The following OPCML variants were observed in gnomAD, a reference collection of about 807,000 sequenced individuals.
OPCML encodes opioid binding protein/cell adhesion molecule like.
Under a neutral mutation model 37.8 loss-of-function variants are expected in OPCML, and 13 were observed. That is an observed-to-expected ratio of 0.34 (90% CI 0.22 to 0.55). OPCML has a LOEUF of 0.55. Among genes scored for constraint, OPCML ranks in the 20% least tolerant of loss-of-function variants. The pLI is 0.91. For missense variants in OPCML, 341 were observed against 435.6 expected (o/e 0.78, Z 1.93); for synonymous variants, 176 against 168.8 (o/e 1.04, Z -0.33).
intron 3 of OPCML, among the ~76,000 whole-genome samples, chr11:132,531,326 G>A (rs942735025): frequency 7.9e-5 from 12 of 152,340 alleles, no homozygotes; most frequent in Non-Finnish European, 1.0e-4. Flanking sequence ...AACACAGAGA[G>A]TGGAGGCTCC....
chr11:132,644,103 T>C (rs1246619970), intron 3 of OPCML, among the ~76,000 whole-genome samples: 1 of 152,230 alleles, frequency 6.6e-6, no homozygotes, highest in Non-Finnish European at 1.5e-5. Context: ...ATTTAAAATC[T>C]GTGCTTTCCC....
At chr11:133,257,113 C>G (rs534982309) in intron 1 of OPCML, among the ~76,000 whole-genome samples, 1 of 152,298 alleles carries the variant, frequency 6.6e-6, no homozygotes, top group Admixed American at 6.5e-5. Context: ...TGCACCCTAC[C>G]TCGGTCCACT....
intron 1 of OPCML, chr11:133,117,970 A>G (rs1268128731): frequency 1.3e-5 from 13 of 980,418 alleles, no homozygotes; most frequent in Non-Finnish European, 1.6e-5. Context: ...TCCTTGGGGA[A>G]CTGCAAGTGG....
intron 1 of OPCML, among the ~76,000 whole-genome samples, chr11:132,969,774 A>G (rs1441357025): frequency 1.3e-5 from 2 of 152,174 alleles, no homozygotes; most frequent in East Asian, 1.9e-4. Flanking sequence ...TTGGGGCTCA[A>G]TTACGTCTTA....
At position 133,208,969 on chromosome 11, in the gene OPCML, T is replaced by G. The variant is rs1174574425; in HGVS notation, c.62-265959A>C. ...CATGGAAACAACAATAATAAAAAAA[T>G]TACCTGAAATGCTGTCCTACATTCT... On this transcript the variant is annotated intron_variant, in intron 1 of 7. Coordinates refer to ENST00000524381, the MANE Select transcript of OPCML (RefSeq NM_001012393.5). This position sits in a 1 kb window ranked among gnomAD's most constrained non-coding sequence, Gnocchi z 8.9. 2.6e-5 allele frequency among the ~76,000 whole-genome samples: 4 copies of G among 152,102 alleles called. No homozygotes were observed. Among genetic ancestry groups the G allele is most frequent in the African/African-American group, 4.8e-5 (2 of 41,408 alleles).
intron 1 of OPCML, among the ~76,000 whole-genome samples, chr11:133,489,852 A>AT (rs10562716): frequency 2.8e-5 from 4 of 142,016 alleles, no homozygotes; most frequent in East Asian, 1.9e-4. Context: ...ATATATATAT[A>AT]TTTTTTTATA....
At chr11:132,991,030 G>T (rs1275903891) in intron 1 of OPCML, among the ~76,000 whole-genome samples, 1 of 152,152 alleles carries the variant, frequency 6.6e-6, no homozygotes, top group Non-Finnish European at 1.5e-5. Flanking sequence ...AATTAGACTT[G>T]ACCCGCTAAG....
chr11:133,488,938 C>A (rs1296056015), intron 1 of OPCML, among the ~76,000 whole-genome samples: 2 of 114,914 alleles, frequency 1.7e-5, no homozygotes, highest in African/African-American at 6.8e-5. Context: ...GTACCTGCAA[C>A]CAGCTGGTTT....
intron 2 of OPCML, among the ~76,000 whole-genome samples, chr11:132,930,081 G>A (rs566032457): frequency 2.6e-5 from 4 of 152,166 alleles, no homozygotes; most frequent in Non-Finnish European, 5.9e-5. Context: ...AGAAAAAGAC[G>A]GGCTGGGTGC....
intron 2 of OPCML, among the ~76,000 whole-genome samples, chr11:132,790,093 A>G (rs562483818): frequency 1.3e-5 from 2 of 152,368 alleles, no homozygotes; most frequent in East Asian, 3.9e-4. Flanking sequence ...ATTACTGGAT[A>G]TTTATCCAAA....
At chr11:132,706,589 C>T (rs2135937530) in intron 2 of OPCML, among the ~76,000 whole-genome samples, 1 of 152,156 alleles carries the variant, frequency 6.6e-6, no homozygotes, top group South Asian at 2.1e-4. Flanking sequence ...AGGTCTAAAC[C>T]CACTTAGATG....
At chr11:133,027,425 A>T (rs913171794) in intron 1 of OPCML, among the ~76,000 whole-genome samples, 4 of 152,074 alleles carry the variant, frequency 2.6e-5, no homozygotes, top group African/African-American at 9.7e-5. Flanking sequence ...AAAAATAAAG[A>T]AATAGTCACT....
At chr11:133,239,461 C>A (rs931875575) in intron 1 of OPCML, among the ~76,000 whole-genome samples, 3 of 152,270 alleles carry the variant, frequency 2.0e-5, no homozygotes, top group African/African-American at 7.2e-5. Flanking sequence ...AAAAAGCCTG[C>A]AAAAATAGAA....
chr11:132,563,001 T>G (rs1308789149), intron 3 of OPCML, among the ~76,000 whole-genome samples: 1 of 152,206 alleles, frequency 6.6e-6, no homozygotes, highest in Non-Finnish European at 1.5e-5. Flanking sequence ...CCTTGTTGTG[T>G]TCTGTATTCA....
chr11:132,961,349 T>C lies in OPCML; in HGVS notation c.62-18339A>G, dbSNP rs563930646. 3.3e-5 allele frequency among the ~76,000 whole-genome samples: 5 copies of C among 152,312 alleles called. No homozygotes were observed. The East Asian group carries it at 9.7e-4, about 29-fold the overall frequency. On this transcript the variant is annotated intron_variant, in intron 1 of 7. Coordinates refer to ENST00000524381, the MANE Select transcript of OPCML (RefSeq NM_001012393.5). ...ATTTTAAGGATAAGCAGCACAAAGA[T>C]ATATGTAGCTCTAAAGAGCCCAAGA...
At chr11:132,716,598 T>C (rs1944503403) in intron 2 of OPCML, among the ~76,000 whole-genome samples, 2 of 152,198 alleles carry the variant, frequency 1.3e-5, no homozygotes, top group Non-Finnish European at 2.9e-5. Context: ...CTCTAGGAGA[T>C]GCAATTTAAT....
intron 1 of OPCML, among the ~76,000 whole-genome samples, chr11:133,523,875 CA>C (rs1235712095): frequency 2.0e-5 from 3 of 152,224 alleles, no homozygotes; most frequent in African/African-American, 7.2e-5. Flanking sequence ...GTTCAATTGT[CA>C]CTTTCATAAC....
At chr11:132,749,669 G>A (rs1228286216) in intron 2 of OPCML, among the ~76,000 whole-genome samples, 2 of 152,130 alleles carry the variant, frequency 1.3e-5, no homozygotes, top group African/African-American at 4.8e-5. Flanking sequence ...CAGGGGTACA[G>A]TAAAGACAGA....
chr11:132,725,037 A>G lies in OPCML; in HGVS notation c.147-67718T>C, dbSNP rs199813916. Reference sequence around the variant, plus strand: ...AGTGCAAGCTGTCAGTAGATCTACCATTCTGGGGTCTGAAGGATGGTGGCC... The same window carrying G: ...AGTGCAAGCTGTCAGTAGATCTACCGTTCTGGGGTCTGAAGGATGGTGGCC... On this transcript the variant is annotated intron_variant, in intron 2 of 7. Coordinates refer to ENST00000524381, the MANE Select transcript of OPCML (RefSeq NM_001012393.5). Among the ~76,000 whole-genome samples, 62 of 152,248 alleles carry G rather than the reference A, an allele frequency of 4.1e-4. No individual in the cohort carries two copies. The East Asian group carries it at 5.0e-3, about 12-fold the overall frequency.
Sources: gnomAD v4.1 joint callset for allele counts (sites outside exome capture counted in the v4.1 genomes callset) on GRCh38, gnomAD v4.1.1 for gene constraint, Gnocchi (gnomAD v3.1) non-coding constraint, MANE v1.5 for transcripts, NCBI Gene and HGNC (gene_info 2026-07-23, HGNC 2026-07-21) for gene names.